The following CARNS1 variants were observed in gnomAD, a reference collection of about 807,000 sequenced individuals.
CARNS1 encodes carnosine synthase 1.
In CARNS1, 61 loss-of-function variants were observed where a neutral mutation model predicts 74.0. The observed-to-expected ratio is 0.82, with a 90% CI of 0.67 to 1.02. The LOEUF (loss-of-function observed/expected upper bound fraction) is 1.02, where lower values mean the gene tolerates loss of function less well. CARNS1 is among the 50% of genes least tolerant of loss of function. The pLI, the probability that CARNS1 is intolerant of heterozygous loss-of-function variation, is 0.00. For synonymous variants in CARNS1, 568 were observed against 605.5 expected, an observed-to-expected ratio of 0.94 and a Z score of 0.91; for missense variants, 1,278 against 1,308.4, an observed-to-expected ratio of 0.98 and a Z score of 0.36.
In CARNS1 at chr11:67,418,540, TC is replaced by T. The variant is rs1863606111; in HGVS notation, c.364+24del. The T allele has an allele frequency of 6.6e-7, 1 of 1,525,760 alleles. No homozygotes were observed. The highest frequency in any genetic ancestry group is 1.4e-5 in the African/African-American group (1 of 72,514). 94.5% of individuals were successfully genotyped at this position (1,525,760 alleles called of 1,614,324 possible). A position where few individuals can be genotyped will look rare whatever the true frequency, so the allele number is the denominator to read the frequency against. ...GCCCGGGTGAGTGTATGCTCAAGTT[TC>T]CCCATCCCCTTCTACAGAAAGGGCA... On this transcript the variant is annotated intron_variant, in intron 4 of 9. Coordinates refer to ENST00000687366, the MANE Select transcript of CARNS1 (RefSeq NM_001166222.2).
In CARNS1 at chr11:67,423,456, C is replaced by T. The variant is rs780920363; in HGVS notation, c.1708C>T (p.Arg570Trp). 7.4e-6 allele frequency: 12 copies of T among 1,613,928 alleles called. No individual in the cohort carries two copies. The highest frequency in any genetic ancestry group is 2.2e-5 in the East Asian group (1 of 44,902). ...CATCCACTTTGACATGACAGAGCAC[C>T]GGAGGGATGAGGAGAACGCACGGCT... ...TFIHFDMTEH[R>W]RDEENARLLA... The change falls in exon 10 of 10, where the codon CGG becomes TGG. Residue 570 changes from arginine to tryptophan, a missense_variant. By Grantham distance (101) the Arg-to-Trp change is moderately radical (BLOSUM62 -3). Around this residue, in one of 3 missense-constraint regions of CARNS1, gnomAD observed 1,164 missense variants for 1,156.5 expected, o/e 1.01. Transcript: ENST00000687366. This position sits in a 1 kb window ranked among gnomAD's most constrained non-coding sequence, Gnocchi z 5.1.
intron 7 of CARNS1, 43 bp from the exon 8 acceptor site, chr11:67,420,566 G>A: frequency 2.6e-6 from 3 of 1,159,052 alleles, no homozygotes; most frequent in Non-Finnish European, 3.3e-6. Flanking sequence ...TGCGTGGGGG[G>A]CAGGGAGTGT....
chr11:67,418,179 G>C (rs1819267990), intron 3 of CARNS1, among the ~76,000 whole-genome samples: 1 of 152,202 alleles, frequency 6.6e-6, no homozygotes, highest in African/African-American at 2.4e-5. Context: ...CAGAAAGTCA[G>C]AGCTCGGGCT....
Position 67,418,966 on chromosome 11 carries a change from T to C in CARNS1, c.575T>C (p.Leu192Pro). ...GPGRGREAAELARDLTCPTGA... is the reference protein window; with the variant it reads ...GPGRGREAAEPARDLTCPTGA... ...GGCCGGGGCCGAGAGGCAGCAGAAC[T>C]CGCCCGTGACCTGACCTGCCCCACA... The change falls in exon 5 of 10, where the codon CTC becomes CCC. Residue 192 changes from leucine (L) to proline (P), a missense_variant. Transcript: ENST00000687366. 1 of 1,569,238 alleles carries C rather than the reference T, an allele frequency of 6.4e-7. No homozygotes were observed. The highest frequency in any genetic ancestry group is 8.6e-7 in the Non-Finnish European group (1 of 1,157,638).
chr11:67,420,971 G>A lies in CARNS1; in HGVS notation c.1378G>A (p.Val460Met), dbSNP rs774069902. The A allele has an allele frequency of 4.9e-6, 7 of 1,428,578 alleles. No individual in the cohort carries two copies. The South Asian group carries it at 6.8e-5, about 14-fold the overall frequency. The allele number at this position is 1,428,578 out of a possible 1,614,324, so 88.5% of individuals were successfully genotyped here. A position where few individuals can be genotyped will look rare whatever the true frequency, so the allele number is the denominator to read the frequency against. The change falls in exon 9 of 10, where the codon GTG (valine) becomes ATG (methionine). Residue 460 changes from valine (V) to methionine (M), a missense_variant. Coordinates refer to ENST00000687366, the MANE Select transcript of CARNS1 (RefSeq NM_001166222.2). Reference protein sequence around the residue: ...VDFALTAAGGVLTPVALELNG... With the variant: ...VDFALTAAGGMLTPVALELNG... Reference sequence around the variant, plus strand: ...TTTCGCGCTGACAGCGGCCGGCGGCGTGCTGACCCCAGTGGCCCTGGAGCT... The same window carrying A: ...TTTCGCGCTGACAGCGGCCGGCGGCATGCTGACCCCAGTGGCCCTGGAGCT...
Position 67,418,965 on chromosome 11 carries a change from C to G in CARNS1, c.574C>G (p.Leu192Val), listed in dbSNP as rs1863617765. 1 of 1,569,478 alleles carries G rather than the reference C, an allele frequency of 6.4e-7. No homozygotes were observed. The highest frequency in any genetic ancestry group is 1.9e-5 in the Admixed American group (1 of 53,660). ...TGGCCGGGGCCGAGAGGCAGCAGAA[C>G]TCGCCCGTGACCTGACCTGCCCCAC... ...GPGRGREAAE[L>V]ARDLTCPTGA... is the part of the protein sequence containing the mutation. The change falls in exon 5 of 10, where the codon CTC becomes GTC. Residue 192 changes from leucine to valine, a missense_variant. Leu to Val is a conservative substitution (Grantham distance 32, BLOSUM62 1). Transcript: ENST00000687366.
At chr11:67,421,716 A>T (rs963045919) in intron 9 of CARNS1, among the ~76,000 whole-genome samples, 3 of 152,162 alleles carry the variant, frequency 2.0e-5, no homozygotes, top group Non-Finnish European at 4.4e-5. Context: ...CGAGCCAGGC[A>T]GGTAGACTTG....
chr11:67,424,931 C>G lies in CARNS1; in HGVS notation c.*330C>G. On this transcript the variant is annotated 3_prime_UTR_variant, in exon 10 of 10. Coordinates refer to ENST00000687366, the MANE Select transcript of CARNS1 (RefSeq NM_001166222.2). ...TCCCCAGGTGGGAGTGGGCCCAAAC[C>G]CAGCCCCTCCTGTCCACCTCTCCAG... The G allele has an allele frequency of 1.8e-6, 1 of 568,062 alleles. No individual in the cohort carries two copies. Among genetic ancestry groups the G allele is most frequent in the East Asian group, 4.1e-5 (1 of 24,284 alleles). 35.2% of individuals were successfully genotyped at this position (568,062 alleles called of 1,614,324 possible).
In CARNS1 at chr11:67,424,578, C is replaced by T. The variant is rs767207388; in HGVS notation, c.2830C>T (p.His944Tyr). Residue 944 changes from histidine to tyrosine, a missense_variant, in exon 10 of 10, where the codon CAC becomes TAC. Coordinates refer to ENST00000687366, the MANE Select transcript of CARNS1 (RefSeq NM_001166222.2). ...CGATGGGCCCAGCTACCCTGTTGCC[C>T]ACTTCCTGTCTCACTTCAAATAGCA... The part of the protein sequence containing the change: ...GIDGPSYPVA[H>Y]FLSHFK 7 of 1,606,482 alleles carry T rather than the reference C, an allele frequency of 4.4e-6. No homozygotes were observed. The highest frequency in any genetic ancestry group is 1.7e-5 in the Admixed American group (1 of 59,588).
At position 67,417,502 on chromosome 11, in the gene CARNS1, G is replaced by C; in HGVS notation, c.99G>C (p.Pro33=). ...EGPWGGGSGL[P]PTGCFPGSWR... ...CCTGGGGAGGGGGCTCTGGCCTGCC[G>C]CCCACAGGCTGCTTCCCTGGCTCCT... Residue 33 remains proline (P), a synonymous_variant, in exon 3 of 10, where the codon CCG becomes CCC. Transcript: ENST00000687366. 2 of 1,438,194 alleles carry C rather than the reference G, an allele frequency of 1.4e-6. No homozygotes were observed. The highest frequency in any genetic ancestry group is 2.8e-5 in the South Asian group (2 of 70,520). The allele number at this position is 1,438,194 out of a possible 1,614,324, so 89.1% of individuals were successfully genotyped here.
rs112155556 is a variant in CARNS1 at position 67,424,861 on chromosome 11, C to CCCCACACACA, written c.*261_*262insCCACACACAC. On this transcript the variant is annotated 3_prime_UTR_variant, in exon 10 of 10. Transcript: ENST00000687366. ...TCTAGCCTTGGAGAAATGACAATGG[C>CCCCACACACA]CACACACACACACACACACACACAC... 1 of 454,268 alleles carries CCCCACACACA rather than the reference C, an allele frequency of 2.2e-6. No individual in the cohort carries two copies. The highest frequency in any genetic ancestry group is 2.1e-5 in the African/African-American group (1 of 46,734). The allele number at this position is 454,268 out of a possible 1,614,324, so 28.1% of individuals were successfully genotyped here.
Position 67,417,582 on chromosome 11 carries a change from G to C in CARNS1, c.179G>C (p.Arg60Pro), listed in dbSNP as rs777051639. 1.5e-6 allele frequency: 2 copies of C among 1,355,892 alleles called. No homozygotes were observed. Among genetic ancestry groups the C allele is most frequent in the East Asian group, 6.0e-5 (2 of 33,138 alleles). The allele number at this position is 1,355,892 out of a possible 1,614,324, so 84.0% of individuals were successfully genotyped here. A position where few individuals can be genotyped will look rare whatever the true frequency, so the allele number is the denominator to read the frequency against. ...CKGSPEGAEARAWTVYYYSLL... is the reference protein window; with the variant it reads ...CKGSPEGAEAPAWTVYYYSLL... ...GGATCCCCCGAGGGGGCCGAGGCCC[G>C]GGCTTGGACTGTCTACTACTACAGC... is the stretch of plus-strand genomic sequence containing the variant. Residue 60 changes from arginine (R) to proline (P), a missense_variant, in exon 3 of 10, where the codon CGG becomes CCG. Coordinates refer to ENST00000687366, the MANE Select transcript of CARNS1 (RefSeq NM_001166222.2).
In CARNS1 at chr11:67,421,202, C is replaced by A; in HGVS notation, c.1609C>A (p.Arg537Ser). 6.7e-7 allele frequency: 1 copy of A among 1,491,368 alleles called. No homozygotes were observed. 92.4% of individuals were successfully genotyped at this position (1,491,368 alleles called of 1,614,324 possible). Residue 537 changes from arginine (R) to serine (S), a missense_variant, in exon 9 of 10, where the codon CGC becomes AGC. This residue lies in a region of CARNS1 where 1,164 missense variants were observed against 1,156.5 expected (regional missense o/e 1.01). Transcript: ENST00000687366. ...VSKKFVWEAA[R>S]DYGLQLHLVE... ...CAAGAAGTTCGTGTGGGAGGCGGCG[C>A]GCGACTACGGGCTCCAGGTGGGCGG...
rs1231227911 is a variant in CARNS1, at chr11:67,420,770, C to A, written c.1275C>A (p.Ala425=). The A allele has an allele frequency of 5.9e-5, 73 of 1,239,818 alleles. No individual in the cohort carries two copies. In the East Asian group the frequency reaches 2.3e-3, roughly 40 times the overall value. 76.8% of individuals were successfully genotyped at this position (1,239,818 alleles called of 1,614,324 possible). Residue 425 remains alanine, a synonymous_variant, in exon 8 of 10, where the codon GCC becomes GCA. Transcript: ENST00000687366. The part of the protein sequence containing the change: ...VKAAAEAALA[A]VLALEAGLSA... The stretch of plus-strand genomic sequence containing the variant: ...CGGCGGCCGAGGCCGCGCTGGCCGC[C>A]GTGCTGGCTCTGGAGGCCGGCCTGA...
intron 2 of CARNS1, 137 bp downstream of exon 2, chr11:67,416,339 C>A: frequency 6.8e-7 from 1 of 1,476,980 alleles, no homozygotes; most frequent in South Asian, 1.3e-5. Flanking sequence ...GACCAGCTCC[C>A]CCACCCCCAC....
At chr11:67,418,097 T>A (rs1161901429) in intron 3 of CARNS1, among the ~76,000 whole-genome samples, 1 of 152,166 alleles carries the variant, frequency 6.6e-6, no homozygotes, top group Non-Finnish European at 1.5e-5. Context: ...TACCTGAGAA[T>A]CACAGACTTG....
Position 67,423,436 on chromosome 11 carries a change from A to T in CARNS1, c.1688A>T (p.His563Leu). 1.9e-6 allele frequency: 3 copies of T among 1,613,906 alleles called. No homozygotes were observed. The highest frequency in any genetic ancestry group is 2.5e-6 in the Non-Finnish European group (3 of 1,179,820). The change falls in exon 10 of 10, where the codon CAC becomes CTC. Residue 563 changes from histidine to leucine, a missense_variant. Transcript: ENST00000687366. This position sits in a 1 kb window ranked among gnomAD's most constrained non-coding sequence, Gnocchi z 5.1. Reference sequence around the variant, plus strand: ...TCCCAGTTGGTACAGACCTTCATCCACTTTGACATGACAGAGCACCGGAGG... The same window carrying T: ...TCCCAGTTGGTACAGACCTTCATCCTCTTTGACATGACAGAGCACCGGAGG... ...FASQLVQTFI[H>L]FDMTEHRRDE...
chr11:67,421,419 G>T (rs1863702865), intron 9 of CARNS1, among the ~76,000 whole-genome samples, 200 bp downstream of exon 9: 1 of 152,220 alleles, frequency 6.6e-6, no homozygotes, highest in African/African-American at 2.4e-5. Context: ...GTGAGGGTGA[G>T]GGGACTCCGC....
chr11:67,419,153 G>A lies in CARNS1; in HGVS notation c.762G>A (p.Val254=), dbSNP rs1471897360. The A allele has an allele frequency of 1.3e-6, 2 of 1,557,894 alleles. No individual in the cohort carries two copies. The highest frequency in any genetic ancestry group is 8.7e-7 in the Non-Finnish European group (1 of 1,148,646). Reference sequence around the variant, plus strand: ...ATGCCAGCCTAGGGCTACGGCTGGTGGAGCTGAGTGGCAAAGAGGGCCAGG... The same window carrying A: ...ATGCCAGCCTAGGGCTACGGCTGGTAGAGCTGAGTGGCAAAGAGGGCCAGG... ...GGDASLGLRL[V]ELSGKEGQET... is the part of the protein sequence containing the mutation. Residue 254 remains valine (V), a synonymous_variant, in exon 5 of 10, where the codon GTG becomes GTA. Coordinates refer to ENST00000687366, the MANE Select transcript of CARNS1 (RefSeq NM_001166222.2).
Sources: gnomAD v4.1 joint callset for allele counts (sites outside exome capture counted in the v4.1 genomes callset) on GRCh38, gnomAD v4.1.1 for gene constraint, gnomAD v4.1.1 regional missense constraint, Gnocchi (gnomAD v3.1) non-coding constraint, MANE v1.5 for transcripts, NCBI Gene and HGNC (gene_info 2026-07-23, HGNC 2026-07-21) for gene names.